Variants in BRSK2 observed in about 807,000 individuals in gnomAD.
The protein encoded by BRSK2 is serine/threonine-protein kinase BRSK2.
Under a neutral mutation model 83.3 loss-of-function variants are expected in BRSK2, and 19 were observed. The observed-to-expected ratio is 0.23, with a 90% CI of 0.16 to 0.33. The LOEUF is 0.33. BRSK2 is among the 10% of genes least tolerant of loss of function. The pLI, the probability that BRSK2 is intolerant of heterozygous loss-of-function variation, is 1.00. For missense variants in BRSK2, 798 were observed against 1,042.3 expected (o/e 0.77, Z 3.23); for synonymous variants, 519 against 435.4 (o/e 1.19, Z -2.39).
chr11:1,421,122 C>T (rs1848595473), intron 1 of BRSK2, among the ~76,000 whole-genome samples: 1 of 152,208 alleles, frequency 6.6e-6, no homozygotes, highest in African/African-American at 2.4e-5. Context: ...CCTGGGCCTC[C>T]TCCTGGTACA....
chr11:1,393,620 C>T (rs867264002), intron 1 of BRSK2, among the ~76,000 whole-genome samples: 1 of 152,276 alleles, frequency 6.6e-6, no homozygotes, highest in South Asian at 2.1e-4. Context: ...TCTCAATGGC[C>T]TTTAGGAAGG....
chr11:1,454,232 G>A lies in BRSK2; in HGVS notation c.1545-253G>A, dbSNP rs931322030. The A allele has an allele frequency of 5.3e-6, 2 of 379,040 alleles. No homozygotes were observed. Among genetic ancestry groups the A allele is most frequent in the Non-Finnish European group, 9.6e-6 (2 of 208,118 alleles). 23.5% of individuals were successfully genotyped at this position (379,040 alleles called of 1,614,324 possible). ...TTGGGAGTGGGTGGCATATGGGCCA[G>A]GGTCAGGGCGTTAGGGCTTGGAGAA... On this transcript the variant is annotated intron_variant, in intron 15 of 19. Transcript: ENST00000528841. This position sits in a 1 kb window ranked among gnomAD's most constrained non-coding sequence, Gnocchi z 5.2.
chr11:1,411,610 T>C, intron 1 of BRSK2: 2 of 1,568,072 alleles, frequency 1.3e-6, no homozygotes, highest in Non-Finnish European at 1.7e-6. Flanking sequence ...CAGACCTGGC[T>C]CTGCCTGCAG....
At chr11:1,417,597 T>A (rs1590393966) in intron 1 of BRSK2, among the ~76,000 whole-genome samples, 1 of 145,776 alleles carries the variant, frequency 6.9e-6, no homozygotes. Flanking sequence ...TTCTGTTGGC[T>A]GTTTCTTCTC....
rs544032165 is a variant in BRSK2 at position 1,442,868 on chromosome 11, C to T, written c.531-238C>T. On this transcript the variant is annotated intron_variant, in intron 5 of 19. Coordinates refer to ENST00000528841, the MANE Select transcript of BRSK2 (RefSeq NM_001256627.2). ...CTGGGACCCACTTACATGCCCCTCT[C>T]CTGGGGACCCCCTGGCCCCTGCCCA... Among the ~76,000 whole-genome samples, 12 of 152,270 alleles carry T rather than the reference C, an allele frequency of 7.9e-5. No individual in the cohort carries two copies. In the South Asian group the frequency reaches 2.5e-3, roughly 32 times the overall value.
chr11:1,409,673 G>T (rs7124503), intron 1 of BRSK2: 9,319 of 152,100 alleles, frequency 0.061, 301 homozygotes, highest in Middle Eastern at 0.14. Context: ...CGCTTTGGGG[G>T]TGTCAGGTAT....
rs1850607370 is a variant in BRSK2 at position 1,438,246 on chromosome 11, TG to T, written c.187-56del. The T allele has an allele frequency of 1.3e-6, 2 of 1,523,474 alleles. No individual in the cohort carries two copies. Among genetic ancestry groups the T allele is most frequent in the Admixed American group, 1.7e-5 (1 of 59,058 alleles). The allele number at this position is 1,523,474 out of a possible 1,614,324, so 94.4% of individuals were successfully genotyped here. ...CAGCTGGCACCAAAGGCAGTGTCTG[TG>T]GGGAGCGATGCGTGCCCCAGCCCTG... On this transcript the variant is annotated intron_variant, in intron 2 of 19. Transcript: ENST00000528841. The surrounding 1 kb of genome is among the most constrained non-coding windows in gnomAD (Gnocchi z 6.4).
At chr11:1,425,314 C>T (rs560718207) in intron 1 of BRSK2, among the ~76,000 whole-genome samples, 6 of 152,302 alleles carry the variant, frequency 3.9e-5, no homozygotes, top group South Asian at 2.1e-4. Context: ...TGGGGGGTCC[C>T]GCAGGCTGTG....
rs373728689 is a variant in BRSK2 at position 1,398,398 on chromosome 11, G to A, written c.91+8023G>A. Among the ~76,000 whole-genome samples the A allele has an allele frequency of 1.2e-3, 188 of 152,238 alleles. 1 individual carries two copies. Among genetic ancestry groups the A allele is most frequent in the African/African-American group, 4.3e-3 (177 of 41,542 alleles). ...CCTGGGTCCGAGAGTTATCTTGTGC[G>A]GACAGAGGTAATAGGTGTGGTACCC... On this transcript the variant is annotated intron_variant, in intron 1 of 19. Coordinates refer to ENST00000528841, the MANE Select transcript of BRSK2 (RefSeq NM_001256627.2).
At position 1,443,549 on chromosome 11, in the gene BRSK2, G is replaced by A. The variant is rs748666906; in HGVS notation, c.694G>A (p.Val232Met). The A allele has an allele frequency of 9.9e-6, 16 of 1,610,264 alleles. No individual in the cohort carries two copies. Among genetic ancestry groups the A allele is most frequent in the African/African-American group, 1.3e-5 (1 of 74,884 alleles). ...GCTGCTGGAGAAGGTGAAGCGGGGCGTGTTCCACATGCCGCACTTTATCCC... is the reference window on the plus strand; with the variant it reads ...GCTGCTGGAGAAGGTGAAGCGGGGCATGTTCCACATGCCGCACTTTATCCC... ...RQLLEKVKRGVFHMPHFIPPD... is the reference protein window; with the variant it reads ...RQLLEKVKRGMFHMPHFIPPD... The change falls in exon 8 of 20, where the codon GTG (valine) becomes ATG (methionine). Residue 232 changes from valine to methionine, a missense_variant. Physicochemically the swap from Val to Met is conservative, Grantham distance 21. Transcript: ENST00000528841.
intron 1 of BRSK2, 91 bp from the exon 2 acceptor site, chr11:1,435,949 G>A (rs1003416046): frequency 3.8e-5 from 36 of 942,738 alleles, no homozygotes; most frequent in South Asian, 1.5e-4. Flanking sequence ...TGTCCAGGAC[G>A]TGGGAGGAGG....
At chr11:1,459,857 A>C (rs926139214) in intron 19 of BRSK2, among the ~76,000 whole-genome samples, 2 of 151,738 alleles carry the variant, frequency 1.3e-5, no homozygotes, top group African/African-American at 2.4e-5. Context: ...CCATCTGTTC[A>C]TCTGTCTGTC....
chr11:1,446,426 G>A (rs1443704764), intron 12 of BRSK2, among the ~76,000 whole-genome samples: 1 of 150,772 alleles, frequency 6.6e-6, no homozygotes, highest in Admixed American at 6.6e-5. Context: ...AGCCAGGCTG[G>A]GCAGGGCTGA....
intron 1 of BRSK2, chr11:1,410,508 A>C (rs1847355079): frequency 4.1e-6 from 4 of 985,330 alleles, no homozygotes; most frequent in Non-Finnish European, 4.8e-6. Flanking sequence ...CTGGGCCCGC[A>C]GACTTCGGTG....
rs781340704 is a variant in BRSK2 at position 1,454,459 on chromosome 11, C to T, written c.1545-26C>T. 3 of 1,611,990 alleles carry T rather than the reference C, an allele frequency of 1.9e-6. 1 individual carries two copies. The highest frequency in any genetic ancestry group is 4.5e-5 in the East Asian group (2 of 44,874). On this transcript the variant is annotated intron_variant, in intron 15 of 19. Coordinates refer to ENST00000528841, the MANE Select transcript of BRSK2 (RefSeq NM_001256627.2). The surrounding 1 kb of genome is among the most constrained non-coding windows in gnomAD (Gnocchi z 5.2). ...GTGGACGGTGCCACACCTCAATCCT[C>T]ACAGCCTCTGTCTCCCACTGCCCAG...
chr11:1,461,083 G>A lies in BRSK2; in HGVS notation c.*360G>A. On this transcript the variant is annotated 3_prime_UTR_variant, in exon 20 of 20. Transcript: ENST00000528841. ...CCTGCTGTTGCTGCCGGGCAGTGAG[G>A]CCCAGCCCAGCGCCCCGTCCACCCC... 1 of 1,556,118 alleles carries A rather than the reference G, an allele frequency of 6.4e-7. No homozygotes were observed.
Position 1,429,302 on chromosome 11 carries a change from C to T in BRSK2, c.92-6738C>T, listed in dbSNP as rs142011991. 3.4e-3 allele frequency among the ~76,000 whole-genome samples: 367 copies of T among 107,100 alleles called. 3 individuals are homozygous for T. Among genetic ancestry groups the T allele is most frequent in the African/African-American group, 0.019 (357 of 19,006 alleles). 70.3% of individuals were successfully genotyped at this position (107,100 alleles called of 152,430 possible). ...GTGGGTGTGTGCACTGGGCGTGTGT[C>T]CTGGGTGTGTGTGCGTGTGCGCACA... On this transcript the variant is annotated intron_variant, in intron 1 of 19. Coordinates refer to ENST00000528841, the MANE Select transcript of BRSK2 (RefSeq NM_001256627.2).
At chr11:1,456,268 C>G (rs913822110) in intron 16 of BRSK2, 80 bp from the exon 17 acceptor site, 2 of 1,396,846 alleles carry the variant, frequency 1.4e-6, no homozygotes, top group South Asian at 1.5e-5. Flanking sequence ...GTGGGGCTGG[C>G]TCGCCCCAGG....
At position 1,450,700 on chromosome 11, in the gene BRSK2, C is replaced by T. The variant is rs1374665898; in HGVS notation, c.1401C>T (p.Ser467=). ...AGTPNPTPPS[S]PSVGGVPWRA... Reference sequence around the variant, plus strand: ...CGCCCAACCCCACGCCCCCGTCCAGCCCCAGCGTCGGAGGGGTGCCCTGGA... The same window carrying T: ...CGCCCAACCCCACGCCCCCGTCCAGTCCCAGCGTCGGAGGGGTGCCCTGGA... The change falls in exon 14 of 20, where the codon AGC becomes AGT. Residue 467 remains serine (S), a synonymous_variant. Coordinates refer to ENST00000528841, the MANE Select transcript of BRSK2 (RefSeq NM_001256627.2). The T allele has an allele frequency of 6.2e-7, 1 of 1,608,292 alleles. No individual in the cohort carries two copies. The highest frequency in any genetic ancestry group is 8.5e-7 in the Non-Finnish European group (1 of 1,178,358).
Sources: allele counts gnomAD v4.1 joint callset (sites outside exome capture counted in the v4.1 genomes callset), GRCh38; gene constraint gnomAD v4.1.1; non-coding constraint Gnocchi (gnomAD v3.1); transcripts MANE v1.5; gene names NCBI Gene and HGNC (gene_info 2026-07-23, HGNC 2026-07-21).